Variants in TENM3 observed in about 807,000 individuals in gnomAD.
TENM3 encodes teneurin transmembrane protein 3.
Under a neutral mutation model 255.1 loss-of-function variants are expected in TENM3, and 63 were observed. The observed-to-expected ratio is 0.25, with a 90% CI of 0.20 to 0.30. The LOEUF (loss-of-function observed/expected upper bound fraction) is 0.30. Among genes scored for constraint, TENM3 ranks in the 10% least tolerant of loss-of-function variants. TENM3 has a pLI of 1.00. For missense variants in TENM3, 2,929 were observed against 3,461.1 expected (o/e 0.85, Z 3.86); for synonymous variants, 1,306 against 1,322.3 (o/e 0.99, Z 0.27).
In TENM3 at chr4:182,653,865, C is replaced by T. The variant is rs1312642111; in HGVS notation, c.1083C>T (p.Asn361=). The T allele has an allele frequency of 1.2e-6, 2 of 1,613,028 alleles. No homozygotes were observed. The highest frequency in any genetic ancestry group is 8.5e-7 in the Non-Finnish European group (1 of 1,179,418). Residue 361 remains asparagine, a synonymous_variant, in exon 6 of 28, where the codon AAC becomes AAT. Transcript: ENST00000511685. ...TGAATTCTGATACCATGCCAACAAA[C>T]ACTGTGTCATTACCTTCTGGAGACA... The part of the protein sequence containing the change: ...GKVNSDTMPT[N]TVSLPSGDNG...
the TENM3 span, among the ~76,000 whole-genome samples, chr4:181,554,031 A>G: frequency 6.6e-6 from 1 of 151,992 alleles, no homozygotes; most frequent in African/African-American, 2.4e-5. Flanking sequence ...GTCTTCCCTC[A>G]TGCGGCTCTA....
At chr4:182,233,822 G>A (rs1337484436) in intron 1 of TENM3, among the ~76,000 whole-genome samples, 1 of 152,216 alleles carries the variant, frequency 6.6e-6, no homozygotes, top group Non-Finnish European at 1.5e-5. Context: ...CACTTCAGAG[G>A]AAACTGCAGA....
At chr4:181,523,032 AG>A in the TENM3 span, 2 of 618,242 alleles carry the variant, frequency 3.2e-6, no homozygotes, top group East Asian at 7.0e-5. Flanking sequence ...TTGTAGAAGA[AG>A]GGAAATCGCA....
chr4:182,086,388 T>C, the TENM3 span, among the ~76,000 whole-genome samples: 12 of 152,238 alleles, frequency 7.9e-5, no homozygotes, highest in South Asian at 2.3e-3. Context: ...CTCTTCATAA[T>C]AAAAAGAAAA....
At chr4:182,072,185 A>G in the TENM3 span, among the ~76,000 whole-genome samples, 22 of 152,210 alleles carry the variant, frequency 1.4e-4, no homozygotes, top group Admixed American at 1.4e-3. Flanking sequence ...TTCAACTATC[A>G]AGGACTATCT....
the TENM3 span, among the ~76,000 whole-genome samples, chr4:182,103,328 G>A: frequency 6.6e-6 from 1 of 152,192 alleles, no homozygotes; most frequent in African/African-American, 2.4e-5. Context: ...AATCTGGCCA[G>A]AGCAAAGGTA....
the TENM3 span, chr4:181,976,452 C>A: frequency 6.6e-6 from 1 of 152,190 alleles, no homozygotes; most frequent in East Asian, 1.9e-4. Context: ...CTCTGTACCA[C>A]ATTTTGTGAA....
intron 3 of TENM3, among the ~76,000 whole-genome samples, chr4:182,351,589 C>T (rs13127313): frequency 0.22 from 32,732 of 152,018 alleles, 3,836 homozygotes; most frequent in East Asian, 0.43. Flanking sequence ...TTCCAGCCTC[C>T]TCAGCCTGTT....
At chr4:182,770,781 C>T (rs923211556) in intron 22 of TENM3, among the ~76,000 whole-genome samples, 6 of 152,218 alleles carry the variant, frequency 3.9e-5, no homozygotes. Flanking sequence ...AATATCCTCA[C>T]GCTTTAGCTT....
At chr4:182,583,333 CTGTGTGTGTGTG>C (rs3073440) in intron 3 of TENM3, among the ~76,000 whole-genome samples, 57 of 143,516 alleles carry the variant, frequency 4.0e-4, no homozygotes, top group East Asian at 1.6e-3. Flanking sequence ...GCTTAAACCT[CTGTGTGTGTGTG>C]TGTGTGTGTG....
the TENM3 span, among the ~76,000 whole-genome samples, chr4:181,565,438 A>G: frequency 3.9e-5 from 6 of 152,254 alleles, no homozygotes; most frequent in Admixed American, 6.5e-5. Context: ...AGATACATCA[A>G]TCAGCAAAAC....
chr4:181,853,079 A>T, the TENM3 span, among the ~76,000 whole-genome samples: 1 of 152,202 alleles, frequency 6.6e-6, no homozygotes, highest in African/African-American at 2.4e-5. Flanking sequence ...TTTTTCTAAA[A>T]CAAATAGGCA....
At chr4:181,641,554 G>GTA in the TENM3 span, among the ~76,000 whole-genome samples, 2,417 of 26,528 alleles carry the variant, frequency 0.091, 134 homozygotes, top group Middle Eastern at 0.23. Context: ...TGGTGTGTGT[G>GTA]TATATATATA....
chr4:182,042,981 T>C, the TENM3 span, among the ~76,000 whole-genome samples: 1 of 127,302 alleles, frequency 7.9e-6, no homozygotes, highest in Non-Finnish European at 1.8e-5. Flanking sequence ...GAAGATAAGA[T>C]AGAAGGTCGT....
At chr4:181,814,842 G>C in the TENM3 span, among the ~76,000 whole-genome samples, 1 of 151,864 alleles carries the variant, frequency 6.6e-6, no homozygotes. Flanking sequence ...GAGGGAGGAG[G>C]AACTTAATAT....
chr4:182,376,822 AT>A (rs1222081306), intron 3 of TENM3, among the ~76,000 whole-genome samples: 1 of 151,548 alleles, frequency 6.6e-6, no homozygotes, highest in Non-Finnish European at 1.5e-5. Context: ...TTATCTTGAT[AT>A]TACATTATGC....
At chr4:181,943,478 C>T in the TENM3 span, among the ~76,000 whole-genome samples, 1 of 152,074 alleles carries the variant, frequency 6.6e-6, no homozygotes, top group Non-Finnish European at 1.5e-5. Flanking sequence ...TGCTTAGTAA[C>T]AAAAATTTAC....
intron 4 of TENM3, among the ~76,000 whole-genome samples, chr4:182,622,635 T>C (rs1750405332): frequency 6.6e-6 from 1 of 152,252 alleles, no homozygotes; most frequent in African/African-American, 2.4e-5. Flanking sequence ...GCTTGCTTTT[T>C]GGTTTTTATA....
At chr4:182,718,175 G>A (rs971914260) in intron 13 of TENM3, among the ~76,000 whole-genome samples, 2 of 150,224 alleles carry the variant, frequency 1.3e-5, no homozygotes, top group African/African-American at 2.4e-5. Context: ...ATTATTACAC[G>A]TAAAAAAAAA....
Sources: allele counts gnomAD v4.1 joint callset (sites outside exome capture counted in the v4.1 genomes callset), GRCh38; gene constraint gnomAD v4.1.1; transcripts MANE v1.5; gene names NCBI Gene and HGNC (gene_info 2026-07-23, HGNC 2026-07-21).